The following NBEA variants were observed in gnomAD, a reference collection of about 807,000 sequenced individuals.
The protein encoded by NBEA is neurobeachin, also known as lysosomal-trafficking regulator 2.
A neutral mutation model predicts 343.4 loss-of-function variants in NBEA; 44 were observed. The ratio of observed to expected loss-of-function variants is 0.13; its 90% CI spans 0.10 to 0.16. The LOEUF (loss-of-function observed/expected upper bound fraction) is 0.16, where lower values mean the gene tolerates loss of function less well. Ranked by LOEUF, NBEA falls within the 10% of genes least tolerant of loss-of-function variation. The probability of loss-of-function intolerance (pLI) is 1.00; values close to 1 mark genes in which losing one functional copy is unlikely to be tolerated. For synonymous variants in NBEA, 1,175 were observed against 1,238.7 expected, an observed-to-expected ratio of 0.95 and a Z score of 1.08; for missense variants, 2,555 against 3,631.3, an observed-to-expected ratio of 0.70 and a Z score of 7.62.
intron 34 of NBEA, among the ~76,000 whole-genome samples, chr13:35,257,067 C>G (rs2032697508): frequency 6.6e-6 from 1 of 152,180 alleles, no homozygotes; most frequent in African/African-American, 2.4e-5. Context: ...AGTGGCCACT[C>G]CAGATGGGCC....
chr13:35,624,058 GTGT>G (rs1566424947), intron 48 of NBEA, among the ~76,000 whole-genome samples: 6 of 51,418 alleles, frequency 1.2e-4, no homozygotes, highest in Middle Eastern at 7.0e-3. Context: ...GTGTGTGGGT[GTGT>G]GTGTGTGTGT....
At chr13:35,537,476 G>A (rs531154665) in intron 41 of NBEA, among the ~76,000 whole-genome samples, 2 of 152,044 alleles carry the variant, frequency 1.3e-5, no homozygotes, top group East Asian at 1.9e-4. Context: ...AAAAAAAATG[G>A]TCAAAAAGCT....
At chr13:35,120,895 T>C (rs1007136730) in intron 16 of NBEA, among the ~76,000 whole-genome samples, 5 of 152,214 alleles carry the variant, frequency 3.3e-5, no homozygotes, top group African/African-American at 9.6e-5. Context: ...AAATTTCTTA[T>C]TCATACTGTA....
chr13:35,552,178 CT>C (rs1272551468), intron 43 of NBEA, among the ~76,000 whole-genome samples: 1 of 152,196 alleles, frequency 6.6e-6, no homozygotes, highest in Non-Finnish European at 1.5e-5. Context: ...GAAAACTAAT[CT>C]TTGTCTATCC....
chr13:34,976,647 G>GTTTTTTTTTTTTTTTTTTTTT (rs1279170590), intron 1 of NBEA, among the ~76,000 whole-genome samples: 1 of 141,838 alleles, frequency 7.1e-6, no homozygotes, highest in African/African-American at 2.6e-5. Context: ...TTTTTTCTTT[G>GTTTTTTTTTTTTTTTTTTTTT]TTTTTTGTTT....
At chr13:35,526,815 C>T (rs2077997268) in intron 41 of NBEA, among the ~76,000 whole-genome samples, 1 of 152,170 alleles carries the variant, frequency 6.6e-6, no homozygotes, top group Admixed American at 6.5e-5. Context: ...GGGCAGGCAG[C>T]TCCAGGCACT....
intron 27 of NBEA, among the ~76,000 whole-genome samples, chr13:35,176,333 A>T (rs943900982): frequency 1.3e-5 from 2 of 152,050 alleles, no homozygotes; most frequent in South Asian, 4.1e-4. Context: ...TGCATTATAC[A>T]TATTATCTAA....
chr13:35,550,951 C>G lies in NBEA; in HGVS notation c.6725C>G (p.Pro2242Arg). 1.2e-6 allele frequency: 2 copies of G among 1,608,360 alleles called. No homozygotes were observed. Residue 2242 changes from proline to arginine, a missense_variant, in exon 43 of 59, where the codon CCT becomes CGT. This residue lies in a region of NBEA where 246 missense variants were observed against 313.7 expected (regional missense o/e 0.78). Coordinates refer to ENST00000379939, the MANE Select transcript of NBEA (RefSeq NM_001385012.1). ...ACAGCCTCAGTTATGTTTAATTTCCCTGATCAAGCAACAGTAAAAAAAGTT... is the reference window on the plus strand; with the variant it reads ...ACAGCCTCAGTTATGTTTAATTTCCGTGATCAAGCAACAGTAAAAAAAGTT... ...ANRTSVMFNFPDQATVKKVVY... is the reference protein window; with the variant it reads ...ANRTSVMFNFRDQATVKKVVY...
chr13:35,491,304 C>T (rs565907206), intron 41 of NBEA, among the ~76,000 whole-genome samples: 1 of 151,942 alleles, frequency 6.6e-6, no homozygotes, highest in South Asian at 2.1e-4. Flanking sequence ...CAATACTCGC[C>T]AATATAATAT....
At chr13:35,602,417 C>T (rs2082095413) in intron 47 of NBEA, among the ~76,000 whole-genome samples, 1 of 152,146 alleles carries the variant, frequency 6.6e-6, no homozygotes, top group Non-Finnish European at 1.5e-5. Flanking sequence ...CTCTACTATC[C>T]CCTTCACAAA....
At chr13:35,234,206 C>T (rs538388991) in intron 34 of NBEA, among the ~76,000 whole-genome samples, 1 of 152,084 alleles carries the variant, frequency 6.6e-6, no homozygotes, top group Non-Finnish European at 1.5e-5. Flanking sequence ...GTAGGGCTGT[C>T]ACCCTGGATG....
chr13:35,389,021 T>C (rs939087534), intron 38 of NBEA, among the ~76,000 whole-genome samples: 20 of 151,804 alleles, frequency 1.3e-4, no homozygotes, highest in Admixed American at 9.9e-4. Flanking sequence ...GGGTTTCTTT[T>C]TTTTTTTTTT....
chr13:35,363,837 G>A (rs2040951882), intron 38 of NBEA, among the ~76,000 whole-genome samples: 2 of 151,858 alleles, frequency 1.3e-5, no homozygotes, highest in South Asian at 4.2e-4. Context: ...CTGTTCTAAT[G>A]AACAGAAAAC....
chr13:35,149,203 A>G (rs1011492445), intron 18 of NBEA, among the ~76,000 whole-genome samples: 14 of 152,162 alleles, frequency 9.2e-5, no homozygotes, highest in Non-Finnish European at 1.9e-4. Context: ...GGCATGCAGA[A>G]CTGAATAAGT....
intron 39 of NBEA, among the ~76,000 whole-genome samples, chr13:35,447,256 T>C (rs1418500163): frequency 2.6e-5 from 4 of 152,090 alleles, no homozygotes; most frequent in Non-Finnish European, 5.9e-5. Flanking sequence ...TATGCTTATT[T>C]AAAATAACAA....
chr13:34,988,071 G>A lies in NBEA; in HGVS notation c.294+44957G>A, dbSNP rs980734093. Reference sequence around the variant, plus strand: ...AGATGCTATCCTTTGGAGGAGAAGAGGCACTCTGGTTTTTAGAATTTTCAG... The same window carrying A: ...AGATGCTATCCTTTGGAGGAGAAGAAGCACTCTGGTTTTTAGAATTTTCAG... On this transcript the variant is annotated intron_variant, in intron 1 of 58. Coordinates refer to ENST00000379939, the MANE Select transcript of NBEA (RefSeq NM_001385012.1). 7.3e-5 allele frequency among the ~76,000 whole-genome samples: 11 copies of A among 151,058 alleles called. No individual in the cohort carries two copies. In the South Asian group the frequency reaches 1.7e-3, roughly 23 times the overall value.
intron 35 of NBEA, among the ~76,000 whole-genome samples, chr13:35,291,027 C>CAATT: frequency 6.6e-6 from 1 of 151,824 alleles, no homozygotes; most frequent in East Asian, 1.9e-4. Flanking sequence ...TTCTTCTTAA[C>CAATT]AATTACAGGG....
intron 48 of NBEA, among the ~76,000 whole-genome samples, chr13:35,622,790 A>C (rs1466361071): frequency 6.6e-6 from 1 of 152,192 alleles, no homozygotes; most frequent in Non-Finnish European, 1.5e-5. Flanking sequence ...ATCTAGAAGA[A>C]GACATGGGTA....
At chr13:35,255,659 G>A (rs780061745) in intron 34 of NBEA, among the ~76,000 whole-genome samples, 45 of 152,374 alleles carry the variant, frequency 3.0e-4, no homozygotes, top group Middle Eastern at 3.4e-3. Context: ...GCTTGGAGAC[G>A]CCAGAAATTA....
Sources: allele counts gnomAD v4.1 joint callset (sites outside exome capture counted in the v4.1 genomes callset), GRCh38; gene constraint gnomAD v4.1.1; regional missense constraint gnomAD v4.1.1; transcripts MANE v1.5; gene names NCBI Gene and HGNC (gene_info 2026-07-23, HGNC 2026-07-21).